Variants in RGS5 observed in about 807,000 individuals in gnomAD.
RGS5 encodes regulator of G protein signaling 5.
RGS5 carries 20 observed loss-of-function variants against 18.9 expected under a neutral mutation model. That is an observed-to-expected ratio of 1.06 (90% CI 0.74 to 1.54). The LOEUF (loss-of-function observed/expected upper bound fraction) is 1.54. Ranked by LOEUF, RGS5 falls within the 40% of genes most tolerant of loss-of-function variation. The pLI is 0.00. For missense variants in RGS5, 201 were observed against 211.8 expected (o/e 0.95, Z 0.32); for synonymous variants, 57 against 76.2 (o/e 0.75, Z 1.31).
chr1:163,286,782 C>T (rs1389469202), intron 2 of RGS5, among the ~76,000 whole-genome samples: 1 of 151,892 alleles, frequency 6.6e-6, no homozygotes, highest in Non-Finnish European at 1.5e-5. Flanking sequence ...ATTTGCAGTA[C>T]CATATGCAAA....
chr1:163,255,290 T>A (rs536679783), intron 2 of RGS5, among the ~76,000 whole-genome samples: 134 of 152,294 alleles, frequency 8.8e-4, no homozygotes, highest in African/African-American at 3.0e-3. Flanking sequence ...GCATGGAATG[T>A]TCTTCCATTT....
intron 2 of RGS5, among the ~76,000 whole-genome samples, chr1:163,290,550 T>C (rs1041242612): frequency 2.0e-5 from 3 of 152,112 alleles, no homozygotes; most frequent in African/African-American, 4.8e-5. Context: ...CAGGGGTTTA[T>C]TTATTCTCTT....
intron 2 of RGS5, among the ~76,000 whole-genome samples, chr1:163,227,571 T>C (rs1647366916): frequency 6.6e-6 from 1 of 151,878 alleles, no homozygotes; most frequent in Non-Finnish European, 1.5e-5. Flanking sequence ...AGCCAAACCA[T>C]ATCATTCCAC....
chr1:163,154,949 CTATG>C (rs943466187), intron 3 of RGS5, among the ~76,000 whole-genome samples: 4 of 96,600 alleles, frequency 4.1e-5, no homozygotes, highest in Non-Finnish European at 1.0e-4. Flanking sequence ...AATTATAAAA[CTATG>C]TATATGTATA....
chr1:163,153,042 G>A (rs939021836), intron 3 of RGS5, among the ~76,000 whole-genome samples: 5 of 152,090 alleles, frequency 3.3e-5, no homozygotes, highest in South Asian at 4.1e-4. Flanking sequence ...ACCTATTTAC[G>A]TATCAAGGAA....
rs371746743 is a variant in RGS5 at position 163,278,277 on chromosome 1, A to C, written c.-281+27956T>G. On this transcript the variant is annotated intron_variant, in intron 2 of 5. Coordinates refer to the RGS5 transcript ENST00000618415. ...CAGCAAGAGAAAAGCATTAAGTTACATATAAGGGGATCTCCATCAGACTAA... is the reference window on the plus strand; with the variant it reads ...CAGCAAGAGAAAAGCATTAAGTTACCTATAAGGGGATCTCCATCAGACTAA... 3.7e-4 allele frequency among the ~76,000 whole-genome samples: 57 copies of C among 152,282 alleles called. No homozygotes were observed. In the East Asian group the frequency reaches 0.01, roughly 27 times the overall value.
At chr1:163,259,331 T>TA (rs11384973) in intron 2 of RGS5, among the ~76,000 whole-genome samples, 13 of 149,576 alleles carry the variant, frequency 8.7e-5, no homozygotes, top group African/African-American at 2.5e-4. Flanking sequence ...TTTTTTTTTT[T>TA]ATCTTTTTTT....
chr1:163,237,504 G>A (rs1647661432), intron 2 of RGS5: 1 of 152,228 alleles, frequency 6.6e-6, no homozygotes, highest in African/African-American at 2.4e-5. Flanking sequence ...GGGCAACATG[G>A]TGAGACTCCG....
intron 2 of RGS5, among the ~76,000 whole-genome samples, chr1:163,291,078 AG>A (rs1649271891): frequency 6.6e-6 from 1 of 151,894 alleles, no homozygotes; most frequent in Non-Finnish European, 1.5e-5. Flanking sequence ...TACTGCAGAT[AG>A]TTTCATCATT....
At chr1:163,305,682 C>T (rs1446329198) in intron 2 of RGS5, among the ~76,000 whole-genome samples, 1 of 152,228 alleles carries the variant, frequency 6.6e-6, no homozygotes, top group Non-Finnish European at 1.5e-5. Flanking sequence ...TCATGCTCCA[C>T]TGTACTCCAA....
chr1:163,189,091 T>G (rs1446672433), intron 1 of RGS5, among the ~76,000 whole-genome samples: 1 of 152,070 alleles, frequency 6.6e-6, no homozygotes, highest in Non-Finnish European at 1.5e-5. Flanking sequence ...GCAGGCCACG[T>G]GGGACTGTCT....
intron 1 of RGS5, among the ~76,000 whole-genome samples, chr1:163,197,815 T>G (rs908486409): frequency 2.6e-5 from 4 of 152,136 alleles, no homozygotes; most frequent in African/African-American, 9.7e-5. Flanking sequence ...AACCAGAAGC[T>G]CTGCTAGGAC....
At chr1:163,251,772 T>C (rs938802555) in intron 2 of RGS5, among the ~76,000 whole-genome samples, 6 of 152,188 alleles carry the variant, frequency 3.9e-5, no homozygotes, top group African/African-American at 1.4e-4. Context: ...TACAATCATG[T>C]ATAGTCTTTT....
intron 2 of RGS5, among the ~76,000 whole-genome samples, chr1:163,257,175 A>G (rs1195771460): frequency 6.6e-6 from 1 of 152,154 alleles, no homozygotes; most frequent in Non-Finnish European, 1.5e-5. Context: ...AGTAGTTATT[A>G]AAGAATAAGA....
intron 2 of RGS5, among the ~76,000 whole-genome samples, chr1:163,271,986 A>ACCTTCCTTC (rs918189950): frequency 6.6e-5 from 10 of 150,744 alleles, no homozygotes; most frequent in Non-Finnish European, 1.3e-4. Context: ...TTATTTTCCT[A>ACCTTCCTTC]CCTTCCTTCC....
At chr1:163,263,681 T>C (rs940840413) in intron 2 of RGS5, among the ~76,000 whole-genome samples, 2 of 152,072 alleles carry the variant, frequency 1.3e-5, no homozygotes. Flanking sequence ...ATTACCATAA[T>C]GTTGTCTAAA....
Position 163,267,828 on chromosome 1 carries a change from T to C in RGS5, c.-281+38405A>G, listed in dbSNP as rs546972291. Reference sequence around the variant, plus strand: ...GATGGTAGTCTGAAAAGAATACTTCTTAAGTTACCTAAGTGATGCCTACCC... The same window carrying C: ...GATGGTAGTCTGAAAAGAATACTTCCTAAGTTACCTAAGTGATGCCTACCC... On this transcript the variant is annotated intron_variant, in intron 2 of 5. Coordinates refer to the RGS5 transcript ENST00000618415. Among the ~76,000 whole-genome samples, 11 of 152,276 alleles carry C rather than the reference T, an allele frequency of 7.2e-5. No individual in the cohort carries two copies. The South Asian group carries it at 1.0e-3, about 14-fold the overall frequency.
At chr1:163,201,095 T>C (rs1244654257) in intron 1 of RGS5, among the ~76,000 whole-genome samples, 1 of 152,164 alleles carries the variant, frequency 6.6e-6, no homozygotes, top group African/African-American at 2.4e-5. Context: ...CAAACTGATG[T>C]TACAATCATT....
intron 2 of RGS5, among the ~76,000 whole-genome samples, chr1:163,273,818 T>G (rs1310355283): frequency 6.6e-6 from 1 of 152,220 alleles, no homozygotes; most frequent in Admixed American, 6.5e-5. Context: ...TTTTCTCCTC[T>G]GAGATTTGTA....
Sources: gnomAD v4.1 joint callset for allele counts (sites outside exome capture counted in the v4.1 genomes callset) on GRCh38, gnomAD v4.1.1 for gene constraint, MANE v1.5 for transcripts, NCBI Gene and HGNC (gene_info 2026-07-23, HGNC 2026-07-21) for gene names.